MCC: variants seen among roughly 807,000 people sequenced by gnomAD.
MCC encodes the protein MCC regulator of Wnt signaling pathway, also known as colorectal mutant cancer protein.
A neutral mutation model predicts 116.2 loss-of-function variants in MCC; 90 were observed. That is an observed-to-expected ratio of 0.77 (90% CI 0.65 to 0.92). MCC has a LOEUF of 0.92. MCC is among the 40% of genes least tolerant of loss of function. The probability of loss-of-function intolerance (pLI) is 0.00; values close to 1 mark genes in which losing one functional copy is unlikely to be tolerated. For synonymous variants in MCC, 578 were observed against 510.5 expected, an observed-to-expected ratio of 1.13 and a Z score of -1.78; for missense variants, 1,516 against 1,312.2, an observed-to-expected ratio of 1.16 and a Z score of -2.40.
chr5:113,248,661 C>T (rs1378002258), intron 3 of MCC, among the ~76,000 whole-genome samples: 2 of 152,116 alleles, frequency 1.3e-5, no homozygotes, highest in African/African-American at 4.8e-5. Flanking sequence ...AAGTCTGGTT[C>T]GTCCAACATA....
chr5:113,336,255 T>A (rs1767865735), intron 3 of MCC, among the ~76,000 whole-genome samples: 1 of 151,636 alleles, frequency 6.6e-6, no homozygotes. Flanking sequence ...CATATGAATT[T>A]TGGAGGGGAA....
intron 13 of MCC, among the ~76,000 whole-genome samples, chr5:113,066,634 C>T (rs1057074827): frequency 1.2e-4 from 18 of 152,104 alleles, no homozygotes; most frequent in Admixed American, 1.3e-4. Context: ...CTGTGCAAGT[C>T]GAAACTGAAG....
In MCC at chr5:113,193,874, T is replaced by A. The variant is rs6876116; in HGVS notation, c.628-42452A>T. On this transcript the variant is annotated intron_variant, in intron 3 of 18. Coordinates refer to ENST00000408903, the MANE Select transcript of MCC (RefSeq NM_001085377.2). The stretch of plus-strand genomic sequence containing the variant: ...TTCCTCCTCTCATTTGTTTTTTTTC[T>A]AAGGAATGATTAACTGAAGCACAAT... Among the ~76,000 whole-genome samples the A allele has an allele frequency of 3.3e-5, 5 of 151,974 alleles. No individual in the cohort carries two copies. The South Asian group carries it at 6.2e-4, about 19-fold the overall frequency.
intron 3 of MCC, among the ~76,000 whole-genome samples, chr5:113,167,707 T>G (rs1366824010): frequency 6.6e-6 from 1 of 152,180 alleles, no homozygotes; most frequent in African/African-American, 2.4e-5. Flanking sequence ...CAAGGCTCAC[T>G]GCAGCCTTGA....
rs112063817 is a variant in MCC, at chr5:113,339,828, T to C, written c.627+691A>G. Among the ~76,000 whole-genome samples the C allele has an allele frequency of 1.3e-3, 202 of 152,362 alleles. 3 individuals carry two copies. Among genetic ancestry groups the C allele is most frequent in the African/African-American group, 4.2e-3 (174 of 41,584 alleles). The stretch of plus-strand genomic sequence containing the variant: ...GGTTATTGAGATGCTTAGTCTACCA[T>C]TTGAACTTCAGTTTCAAAAAGCCAG... On this transcript the variant is annotated intron_variant, in intron 3 of 18. Coordinates refer to ENST00000408903, the MANE Select transcript of MCC (RefSeq NM_001085377.2).
In MCC at chr5:113,104,250, A is replaced by C. The variant is rs1581067691; in HGVS notation, c.1133T>G (p.Val378Gly). 1 of 1,613,976 alleles carries C rather than the reference A, an allele frequency of 6.2e-7. No homozygotes were observed. Among genetic ancestry groups the C allele is most frequent in the Non-Finnish European group, 8.5e-7 (1 of 1,180,010 alleles). ...GGTGAGCTGCTCAATGTGCTTGTCCACCTCGGCCACGGAGAGGCTGCAGCT... is the reference window on the plus strand; with the variant it reads ...GGTGAGCTGCTCAATGTGCTTGTCCCCCTCGGCCACGGAGAGGCTGCAGCT... ...KSSCSLSVAE[V>G]DKHIEQLTTA... is the part of the protein sequence containing the mutation. The change falls in exon 7 of 19, where the codon GTG becomes GGG. Residue 378 changes from valine (V) to glycine (G), a missense_variant. Coordinates refer to ENST00000408903, the MANE Select transcript of MCC (RefSeq NM_001085377.2).
At chr5:113,140,043 T>C (rs1759087510) in intron 5 of MCC, among the ~76,000 whole-genome samples, 1 of 152,152 alleles carries the variant, frequency 6.6e-6, no homozygotes, top group African/African-American at 2.4e-5. Flanking sequence ...CTATCCAGCA[T>C]CTCTAAGGAA....
At chr5:113,411,434 G>C (rs1769988994) in intron 1 of MCC, among the ~76,000 whole-genome samples, 1 of 152,118 alleles carries the variant, frequency 6.6e-6, no homozygotes, top group African/African-American at 2.4e-5. Context: ...CATATCCTTT[G>C]CCCACTTGTT....
At chr5:113,180,872 A>C (rs1204494165) in intron 3 of MCC, among the ~76,000 whole-genome samples, 1 of 152,224 alleles carries the variant, frequency 6.6e-6, no homozygotes, top group Non-Finnish European at 1.5e-5. Flanking sequence ...AAACAAAATA[A>C]TTACGTAAAG....
At chr5:113,079,989 G>A (rs879945191) in intron 11 of MCC, among the ~76,000 whole-genome samples, 3 of 152,138 alleles carry the variant, frequency 2.0e-5, no homozygotes, top group Non-Finnish European at 2.9e-5. Flanking sequence ...AAAAGTGGGT[G>A]AAGGATATGA....
At chr5:113,226,824 C>T (rs751183047) in intron 3 of MCC, among the ~76,000 whole-genome samples, 18 of 152,050 alleles carry the variant, frequency 1.2e-4, no homozygotes, top group Non-Finnish European at 2.4e-4. Context: ...GGTGAAGAGG[C>T]CTTATAAGAT....
chr5:113,029,138 AAG>A (rs1750781428), intron 17 of MCC, 82 bp from the exon 18 acceptor site: 5 of 1,432,996 alleles, frequency 3.5e-6, no homozygotes, highest in Non-Finnish European at 1.9e-6. Flanking sequence ...TGGTGACAGA[AAG>A]AGGAAGGTTT....
intron 3 of MCC, among the ~76,000 whole-genome samples, chr5:113,286,864 G>C (rs1274681745): frequency 6.6e-6 from 1 of 152,112 alleles, no homozygotes; most frequent in Non-Finnish European, 1.5e-5. Flanking sequence ...CCTTGAAAAG[G>C]TTTCCTCTTT....
At chr5:113,095,346 C>T (rs1334044881) in intron 8 of MCC, among the ~76,000 whole-genome samples, 3 of 152,088 alleles carry the variant, frequency 2.0e-5, no homozygotes. Context: ...TAGACTTGGG[C>T]AAGATTGTTA....
intron 1 of MCC, among the ~76,000 whole-genome samples, chr5:113,463,275 G>C (rs567696822): frequency 2.6e-5 from 4 of 152,228 alleles, no homozygotes; most frequent in Admixed American, 2.6e-4. Context: ...TGTAAGCAGG[G>C]GCAAGGTGAG....
chr5:113,473,551 C>T (rs955400809), intron 1 of MCC, among the ~76,000 whole-genome samples: 1 of 151,988 alleles, frequency 6.6e-6, no homozygotes, highest in Non-Finnish European at 1.5e-5. Flanking sequence ...AAAAACAAAA[C>T]AAAACAAAAC....
chr5:113,380,880 TG>T (rs773272012), intron 2 of MCC, among the ~76,000 whole-genome samples: 2 of 152,152 alleles, frequency 1.3e-5, no homozygotes. Flanking sequence ...GTGGCAAACA[TG>T]GTAAGTCAGG....
At chr5:113,354,054 C>T (rs1013053503) in intron 2 of MCC, among the ~76,000 whole-genome samples, 1 of 152,260 alleles carries the variant, frequency 6.6e-6, no homozygotes, top group African/African-American at 2.4e-5. Flanking sequence ...AGACCCCTTC[C>T]CTCCCCACCA....
intron 3 of MCC, among the ~76,000 whole-genome samples, chr5:113,254,004 C>T (rs142630179): frequency 6.6e-6 from 1 of 152,120 alleles, no homozygotes; most frequent in African/African-American, 2.4e-5. Flanking sequence ...TCTACTGAAC[C>T]CAAGTCTTCA....
Sources: gnomAD v4.1 joint callset for allele counts (sites outside exome capture counted in the v4.1 genomes callset) on GRCh38, gnomAD v4.1.1 for gene constraint, MANE v1.5 for transcripts, NCBI Gene and HGNC (gene_info 2026-07-23, HGNC 2026-07-21) for gene names.